The following NIBAN1 variants were observed in gnomAD, a reference collection of about 807,000 sequenced individuals.
NIBAN1 encodes the protein niban apoptosis regulator 1, also known as protein Niban 1.
A neutral mutation model predicts 75.1 loss-of-function variants in NIBAN1; 81 were observed. That is an observed-to-expected ratio of 1.08 (90% CI 0.90 to 1.30). NIBAN1 has a LOEUF of 1.30. Ranked by LOEUF, NIBAN1 falls within the 50% of genes most tolerant of loss-of-function variation. NIBAN1 has a pLI of 0.00. For synonymous variants in NIBAN1, 436 were observed against 424.8 expected, an observed-to-expected ratio of 1.03 and a Z score of -0.32; for missense variants, 1,133 against 1,128.1, an observed-to-expected ratio of 1.00 and a Z score of -0.06.
Position 184,852,260 on chromosome 1 carries a change from C to T in NIBAN1, c.602-20298G>A, listed in dbSNP as rs545418526. ...TTCAGGAATGGAGGGAAAATCCTTACAGCCTGGAACACTTTTGAGGTTTGT... is the reference window on the plus strand; with the variant it reads ...TTCAGGAATGGAGGGAAAATCCTTATAGCCTGGAACACTTTTGAGGTTTGT... On this transcript the variant is annotated intron_variant, in intron 5 of 13. Coordinates refer to ENST00000367511, the MANE Select transcript of NIBAN1 (RefSeq NM_052966.4). Among the ~76,000 whole-genome samples, 7 of 152,336 alleles carry T rather than the reference C, an allele frequency of 4.6e-5. No individual in the cohort carries two copies. In the East Asian group the frequency reaches 1.2e-3, roughly 25 times the overall value.
intron 5 of NIBAN1, among the ~76,000 whole-genome samples, chr1:184,880,958 G>A (rs1656361579): frequency 6.6e-6 from 1 of 152,162 alleles, no homozygotes; most frequent in Non-Finnish European, 1.5e-5. Flanking sequence ...ATACTATACA[G>A]TTGGCTTGAC....
intron 6 of NIBAN1, among the ~76,000 whole-genome samples, chr1:184,830,987 G>A (rs1003023941): frequency 3.5e-5 from 4 of 115,758 alleles, no homozygotes; most frequent in East Asian, 2.2e-4. Context: ...GCCACAGAGC[G>A]AGACTCCTCT....
chr1:184,823,081 T>C (rs1447842215), intron 8 of NIBAN1, 86 bp downstream of exon 8: 30 of 1,474,418 alleles, frequency 2.0e-5, no homozygotes, highest in Non-Finnish European at 2.6e-5. Context: ...GTAATTATCC[T>C]CTGAAACCAT....
intron 1 of NIBAN1, among the ~76,000 whole-genome samples, chr1:184,944,918 C>T (rs1300144321): frequency 1.3e-5 from 2 of 152,146 alleles, no homozygotes; most frequent in African/African-American, 4.8e-5. Flanking sequence ...AGAAATACCC[C>T]TCACCTGTGT....
At chr1:184,959,490 A>T (rs961724367) in intron 1 of NIBAN1, among the ~76,000 whole-genome samples, 2 of 151,850 alleles carry the variant, frequency 1.3e-5, no homozygotes, top group African/African-American at 4.8e-5. Flanking sequence ...TCCTGAGTCT[A>T]TTTCTATTGA....
In NIBAN1 at chr1:184,795,931, A is replaced by C; in HGVS notation, c.1833T>G (p.Ser611Arg). 1 of 1,614,180 alleles carries C rather than the reference A, an allele frequency of 6.2e-7. No homozygotes were observed. Among genetic ancestry groups the C allele is most frequent in the Non-Finnish European group, 8.5e-7 (1 of 1,180,014 alleles). The change falls in exon 14 of 14, where the codon AGT (serine) becomes AGG (arginine). Residue 611 changes from serine (S) to arginine (R), a missense_variant. Ser to Arg is a moderately radical substitution (Grantham distance 110, BLOSUM62 -1). Transcript: ENST00000367511. Reference protein sequence around the residue: ...ASAILPGVLGSETLSNEVFQE... With the variant: ...ASAILPGVLGRETLSNEVFQE... ...GGAATACTTCGTTACTGAGGGTCTC[A>C]CTACCCAGAACTCCTGGCAGAATGG...
At chr1:184,828,141 T>C (rs1223817307) in intron 6 of NIBAN1, among the ~76,000 whole-genome samples, 1 of 152,154 alleles carries the variant, frequency 6.6e-6, no homozygotes, top group Non-Finnish European at 1.5e-5. Flanking sequence ...GTAGAAAATA[T>C]GTTGATGTTT....
At chr1:184,807,269 C>T (rs338563) in intron 10 of NIBAN1, among the ~76,000 whole-genome samples, 44,325 of 150,040 alleles carry the variant, frequency 0.3, 7,600 homozygotes, top group East Asian at 0.47. Flanking sequence ...CACTATAATA[C>T]GGAAGGAGTT....
In NIBAN1 at chr1:184,808,153, C is replaced by T. The variant is rs141805525; in HGVS notation, c.1256G>A (p.Arg419His). The change falls in exon 10 of 14, where the codon CGC becomes CAC. Residue 419 changes from arginine to histidine, a missense_variant. Coordinates refer to ENST00000367511, the MANE Select transcript of NIBAN1 (RefSeq NM_052966.4). The stretch of plus-strand genomic sequence containing the variant: ...GAAGCGGCTCTTGAGATCCTGCAGG[C>T]GCTCGTGAAGCAGGTTGACTTTAGT... ...CYTKVNLLHE[R>H]LQDLKSRFRF... 1.0e-4 allele frequency: 166 copies of T among 1,613,994 alleles called. 1 individual carries two copies. Among genetic ancestry groups the T allele is most frequent in the South Asian group, 1.3e-4 (12 of 91,076 alleles).
intron 5 of NIBAN1, among the ~76,000 whole-genome samples, chr1:184,854,964 G>A (rs1197810074): frequency 2.6e-5 from 4 of 152,302 alleles, no homozygotes; most frequent in Admixed American, 1.3e-4. Context: ...AAATGTCAAA[G>A]CTTTTGCAGG....
At chr1:184,942,441 C>T (rs971375205) in intron 1 of NIBAN1, among the ~76,000 whole-genome samples, 6 of 152,348 alleles carry the variant, frequency 3.9e-5, no homozygotes, top group Admixed American at 1.3e-4. Flanking sequence ...CGCCTGTAAT[C>T]CCAGCACTCT....
intron 5 of NIBAN1, among the ~76,000 whole-genome samples, chr1:184,876,358 G>A (rs1313292726): frequency 6.6e-6 from 1 of 151,674 alleles, no homozygotes; most frequent in Non-Finnish European, 1.5e-5. Context: ...AAACAGAATG[G>A]ACAACTTTCT....
At chr1:184,970,346 TGCCCATCTCCC>T (rs1658904230) in intron 1 of NIBAN1, among the ~76,000 whole-genome samples, 1 of 152,126 alleles carries the variant, frequency 6.6e-6, no homozygotes, top group Non-Finnish European at 1.5e-5. Flanking sequence ...CCAGTTCTTA[TGCCCATCTCCC>T]ACCAACAAAT....
At chr1:184,798,497 C>T (rs1048959776) in intron 12 of NIBAN1, among the ~76,000 whole-genome samples, 2 of 152,190 alleles carry the variant, frequency 1.3e-5, no homozygotes, top group African/African-American at 2.4e-5. Context: ...ATTTTATGCA[C>T]TTCATGGGAG....
chr1:184,883,486 C>T (rs938910542), intron 5 of NIBAN1, among the ~76,000 whole-genome samples: 5 of 152,204 alleles, frequency 3.3e-5, no homozygotes, highest in African/African-American at 9.7e-5. Flanking sequence ...GAACAAAGAG[C>T]GCAGTTATCT....
intron 5 of NIBAN1, among the ~76,000 whole-genome samples, chr1:184,834,293 A>G (rs1334066036): frequency 6.6e-6 from 1 of 152,130 alleles, no homozygotes; most frequent in African/African-American, 2.4e-5. Context: ...AGTCTTTGCT[A>G]TTGTGAATAG....
intron 5 of NIBAN1, among the ~76,000 whole-genome samples, chr1:184,865,975 G>C (rs754472031): frequency 2.6e-5 from 4 of 152,012 alleles, no homozygotes; most frequent in African/African-American, 9.7e-5. Flanking sequence ...TAAACAATCC[G>C]GAATGCTTTA....
chr1:184,932,815 C>T (rs1021516453), intron 1 of NIBAN1, among the ~76,000 whole-genome samples: 1 of 152,166 alleles, frequency 6.6e-6, no homozygotes, highest in Non-Finnish European at 1.5e-5. Flanking sequence ...AAACTATCTC[C>T]TTCTCTATTC....
intron 12 of NIBAN1, among the ~76,000 whole-genome samples, chr1:184,799,297 G>A (rs940987397): frequency 5.3e-5 from 8 of 150,322 alleles, no homozygotes; most frequent in Admixed American, 3.3e-4. Context: ...GCGGTGTTTG[G>A]TTTTTTGTTC....
Sources: allele counts gnomAD v4.1 joint callset (sites outside exome capture counted in the v4.1 genomes callset), GRCh38; gene constraint gnomAD v4.1.1; transcripts MANE v1.5; gene names NCBI Gene and HGNC (gene_info 2026-07-23, HGNC 2026-07-21).